The following SLC39A11 variants were observed in gnomAD, a reference collection of about 807,000 sequenced individuals.
SLC39A11 encodes the protein solute carrier family 39 member 11.
Under a neutral mutation model 36.1 loss-of-function variants are expected in SLC39A11, and 33 were observed. The observed-to-expected ratio is 0.91, with a 90% CI of 0.69 to 1.22. SLC39A11 has a LOEUF of 1.22. SLC39A11 is among the 50% of genes most tolerant of loss of function. SLC39A11 has a pLI of 0.00. For synonymous variants in SLC39A11, 166 were observed against 170.3 expected (o/e 0.97, Z 0.20); for missense variants, 432 against 430.3 (o/e 1.00, Z -0.03).
At chr17:72,778,001 C>A (rs1017397183) in intron 6 of SLC39A11, among the ~76,000 whole-genome samples, 1 of 152,098 alleles carries the variant, frequency 6.6e-6, no homozygotes, top group African/African-American at 2.4e-5. Context: ...ACCTCCCAGG[C>A]TCAAGTGATT....
chr17:72,981,069 T>C (rs2088265827), intron 4 of SLC39A11, among the ~76,000 whole-genome samples: 1 of 151,810 alleles, frequency 6.6e-6, no homozygotes, highest in African/African-American at 2.4e-5. Context: ...TAACATTAAA[T>C]TTTCTGGTAG....
At chr17:72,861,562 CTA>C (rs1243454931) in intron 5 of SLC39A11, among the ~76,000 whole-genome samples, 2 of 148,542 alleles carry the variant, frequency 1.3e-5, no homozygotes, top group Non-Finnish European at 3.0e-5. Context: ...CCAGAGCAGA[CTA>C]TGCTTGATAG....
intron 5 of SLC39A11, among the ~76,000 whole-genome samples, chr17:72,874,511 G>A (rs2080796063): frequency 1.3e-5 from 2 of 152,150 alleles, no homozygotes; most frequent in African/African-American, 4.8e-5. Context: ...AGGAGGGAGG[G>A]GAAAACCCCG....
intron 7 of SLC39A11, among the ~76,000 whole-genome samples, chr17:72,687,775 T>C (rs534891003): frequency 1.3e-5 from 2 of 152,330 alleles, no homozygotes; most frequent in East Asian, 1.9e-4. Context: ...CCAACAAGCA[T>C]ATGCCAAGAC....
At chr17:72,676,769 T>C (rs983627229) in intron 7 of SLC39A11, among the ~76,000 whole-genome samples, 3 of 152,164 alleles carry the variant, frequency 2.0e-5, no homozygotes, top group African/African-American at 7.2e-5. Context: ...TCTAGACTTT[T>C]GGTATACGTT....
intron 5 of SLC39A11, among the ~76,000 whole-genome samples, chr17:72,860,407 G>A (rs2079916857): frequency 6.6e-6 from 1 of 152,212 alleles, no homozygotes; most frequent in Non-Finnish European, 1.5e-5. Flanking sequence ...GTGCGAGACA[G>A]AATATACACA....
intron 7 of SLC39A11, among the ~76,000 whole-genome samples, chr17:72,704,579 C>T (rs1235888681): frequency 6.6e-6 from 1 of 152,192 alleles, no homozygotes; most frequent in Admixed American, 6.5e-5. Context: ...AGACTCTATG[C>T]ATAAAGTGAT....
At chr17:72,757,248 C>T (rs1436845123) in intron 6 of SLC39A11, among the ~76,000 whole-genome samples, 2 of 152,016 alleles carry the variant, frequency 1.3e-5, no homozygotes, top group African/African-American at 4.8e-5. Flanking sequence ...GGAGCTCGCA[C>T]TAAACTCTTA....
At chr17:72,860,885 T>C (rs2079941890) in intron 5 of SLC39A11, among the ~76,000 whole-genome samples, 1 of 152,168 alleles carries the variant, frequency 6.6e-6, no homozygotes, top group Non-Finnish European at 1.5e-5. Context: ...TGATACCCTC[T>C]GCGCCTCAGT....
chr17:72,900,094 GAAAAGAAAGAAAGA>G (rs1481442538), intron 5 of SLC39A11, among the ~76,000 whole-genome samples: 4 of 64,780 alleles, frequency 6.2e-5, no homozygotes, highest in African/African-American at 3.8e-4. Flanking sequence ...AAGAGAAAGA[GAAAAGAAAGAAAGA>G]AAAAGAAAGA....
chr17:72,900,989 A>C (rs1355506024), intron 5 of SLC39A11, among the ~76,000 whole-genome samples: 5 of 85,756 alleles, frequency 5.8e-5, no homozygotes, highest in East Asian at 1.2e-3. Flanking sequence ...ACAAAAAAAA[A>C]ACACGAAAAA....
chr17:72,656,113 G>T (rs575748630), intron 7 of SLC39A11, among the ~76,000 whole-genome samples: 54 of 152,278 alleles, frequency 3.5e-4, no homozygotes, highest in Middle Eastern at 3.4e-3. Flanking sequence ...GAAGGGAAAG[G>T]TCAGATGAGA....
At chr17:72,843,472 G>A (rs757868399) in intron 6 of SLC39A11, among the ~76,000 whole-genome samples, 38 of 152,196 alleles carry the variant, frequency 2.5e-4, no homozygotes, top group South Asian at 4.2e-4. Flanking sequence ...TGATTAGGTC[G>A]TGAGATGGAG....
chr17:72,755,277 C>G (rs1481813492), intron 6 of SLC39A11, among the ~76,000 whole-genome samples: 2 of 152,240 alleles, frequency 1.3e-5, no homozygotes, highest in African/African-American at 4.8e-5. Context: ...AGACATGGAT[C>G]AAAGTCAGAT....
chr17:72,726,190 A>G (rs2073923892), intron 7 of SLC39A11, among the ~76,000 whole-genome samples: 1 of 152,204 alleles, frequency 6.6e-6, no homozygotes, highest in South Asian at 2.1e-4. Context: ...TAGGCATTGC[A>G]AGAGCAGCTG....
At chr17:72,801,362 A>G (rs144039796) in intron 6 of SLC39A11, among the ~76,000 whole-genome samples, 2 of 152,320 alleles carry the variant, frequency 1.3e-5, no homozygotes, top group East Asian at 3.9e-4. Flanking sequence ...CTGGGACTAT[A>G]GGCATGTGCC....
rs190718150 is a variant in SLC39A11, at chr17:73,078,676, T to C, written c.147+6132A>G. Among the ~76,000 whole-genome samples, 5 of 152,120 alleles carry C rather than the reference T, an allele frequency of 3.3e-5. No homozygotes were observed. In the East Asian group the frequency reaches 7.7e-4, roughly 24 times the overall value. On this transcript the variant is annotated intron_variant, in intron 3 of 9. Transcript: ENST00000255559. The stretch of plus-strand genomic sequence containing the variant: ...TAATTTTTGTTTTTTGTCTTTTTTT[T>C]AATAGAGACGGGGTTTCGCCATGTT...
At chr17:72,754,911 A>G (rs1447437046) in intron 6 of SLC39A11, among the ~76,000 whole-genome samples, 5 of 152,234 alleles carry the variant, frequency 3.3e-5, no homozygotes, top group African/African-American at 1.2e-4. Context: ...GCATGCATAG[A>G]AAGAGACTTG....
intron 5 of SLC39A11, among the ~76,000 whole-genome samples, chr17:72,887,581 A>G (rs6501571): frequency 0.6 from 91,210 of 152,148 alleles, 30,157 homozygotes; most frequent in African/African-American, 0.89. Context: ...GAACAGTCGC[A>G]GCCATGCTAT....
Sources: gnomAD v4.1 joint callset for allele counts (sites outside exome capture counted in the v4.1 genomes callset) on GRCh38, gnomAD v4.1.1 for gene constraint, MANE v1.5 for transcripts, NCBI Gene and HGNC (gene_info 2026-07-23, HGNC 2026-07-21) for gene names.